GALNT13: variants seen among roughly 807,000 people sequenced by gnomAD.
The protein encoded by GALNT13 is UDP-GalNAc:polypeptide N-acetylgalactosaminyltransferase 13.
A neutral mutation model predicts 64.2 loss-of-function variants in GALNT13; 28 were observed. The observed-to-expected ratio is 0.44, with a 90% CI of 0.32 to 0.60. The LOEUF (loss-of-function observed/expected upper bound fraction) is 0.60, where lower values mean the gene tolerates loss of function less well. Ranked by LOEUF, GALNT13 falls within the 20% of genes least tolerant of loss-of-function variation. The pLI is 0.05. For synonymous variants in GALNT13, 214 were observed against 224.6 expected (o/e 0.95, Z 0.42); for missense variants, 577 against 669.8 (o/e 0.86, Z 1.53).
At chr2:153,951,982 T>A (rs1485052350) in intron 3 of GALNT13, among the ~76,000 whole-genome samples, 1 of 152,112 alleles carries the variant, frequency 6.6e-6, no homozygotes, top group Non-Finnish European at 1.5e-5. Flanking sequence ...CCATGAATGC[T>A]ATTTGTTTTT....
chr2:154,425,469 T>G (rs1700430369), intron 11 of GALNT13, among the ~76,000 whole-genome samples: 1 of 152,308 alleles, frequency 6.6e-6, no homozygotes, highest in South Asian at 2.1e-4. Context: ...CTAATGAGAC[T>G]GGCATAAAGG....
the GALNT13 span, among the ~76,000 whole-genome samples, chr2:153,347,568 G>A: frequency 1.3e-5 from 2 of 152,160 alleles, no homozygotes; most frequent in African/African-American, 2.4e-5. Context: ...ATACCATGAA[G>A]GCATATAGCA....
chr2:153,235,706 A>G, the GALNT13 span, among the ~76,000 whole-genome samples: 1 of 152,050 alleles, frequency 6.6e-6, no homozygotes, highest in Non-Finnish European at 1.5e-5. Flanking sequence ...TGAACCCAGG[A>G]TGTGGTTTGT....
At chr2:154,151,103 G>A (rs1428285262) in intron 4 of GALNT13, among the ~76,000 whole-genome samples, 2 of 152,168 alleles carry the variant, frequency 1.3e-5, no homozygotes, top group Non-Finnish European at 2.9e-5. Context: ...TGCTTCGAAT[G>A]CGTCCCAGAG....
intron 3 of GALNT13, among the ~76,000 whole-genome samples, chr2:154,096,765 T>A (rs1702090678): frequency 6.6e-6 from 1 of 152,078 alleles, no homozygotes; most frequent in Non-Finnish European, 1.5e-5. Context: ...ATAAATAGCA[T>A]GCTTCTTCCC....
chr2:154,438,612 CAAAG>C lies in GALNT13; in HGVS notation c.1420_1423del (p.Glu474SerfsTer17), dbSNP rs1701119698. On this transcript the variant is annotated frameshift_variant, in exon 12 of 13. Coordinates refer to ENST00000392825, the MANE Select transcript of GALNT13 (RefSeq NM_052917.4). LOFTEE classifies it high-confidence loss of function. ...TTCAGGTATTTTCTTACACTGCTGACAAAGAAATCCGAACCGATGACTTGTGCTT... is the reference window on the plus strand; with the variant it reads ...TTCAGGTATTTTCTTACACTGCTGACAAATCCGAACCGATGACTTGTGCTT... 1 of 1,611,574 alleles carries C rather than the reference CAAAG, an allele frequency of 6.2e-7. No individual in the cohort carries two copies. The highest frequency in any genetic ancestry group is 8.5e-7 in the Non-Finnish European group (1 of 1,178,354).
intron 12 of GALNT13, among the ~76,000 whole-genome samples, chr2:154,445,019 C>A (rs1046193177): frequency 4.0e-5 from 6 of 151,780 alleles, no homozygotes; most frequent in African/African-American, 1.2e-4. Context: ...TAATTGTTAT[C>A]TTTTCAAACA....
intron 11 of GALNT13, among the ~76,000 whole-genome samples, chr2:154,434,506 G>A (rs1052511277): frequency 6.6e-5 from 10 of 152,044 alleles, no homozygotes; most frequent in African/African-American, 1.2e-4. Context: ...TGATCCATGC[G>A]CCTGGGCCTC....
chr2:153,469,097 A>T, the GALNT13 span, among the ~76,000 whole-genome samples: 1 of 152,084 alleles, frequency 6.6e-6, no homozygotes, highest in Non-Finnish European at 1.5e-5. Flanking sequence ...AAACTGTCCA[A>T]ATATAGGAGG....
chr2:154,007,551 G>A (rs1334776334), intron 3 of GALNT13, among the ~76,000 whole-genome samples: 1 of 151,866 alleles, frequency 6.6e-6, no homozygotes, highest in Admixed American at 6.6e-5. Context: ...TTCCATATGA[G>A]GAATATGTTG....
the GALNT13 span, among the ~76,000 whole-genome samples, chr2:153,419,870 A>G: frequency 6.9e-3 from 1,056 of 152,302 alleles, 12 homozygotes; most frequent in African/African-American, 0.022. Context: ...CCTAAAGTAA[A>G]TTGACTAAAT....
At chr2:153,758,178 C>T in the GALNT13 span, among the ~76,000 whole-genome samples, 1 of 151,936 alleles carries the variant, frequency 6.6e-6, no homozygotes. Context: ...GATGAGGGTT[C>T]AATTTTATTC....
intron 9 of GALNT13, among the ~76,000 whole-genome samples, chr2:154,307,098 G>T (rs1358787106): frequency 6.6e-6 from 1 of 152,078 alleles, no homozygotes; most frequent in Non-Finnish European, 1.5e-5. Context: ...ATGGAGTTGG[G>T]TAGGTCAGAT....
At chr2:154,450,326 A>T in intron 12 of GALNT13, 85 bp from the exon 13 acceptor site, 1 of 1,255,248 alleles carries the variant, frequency 8.0e-7, no homozygotes. Context: ...ATCATAAAGG[A>T]TTTTTTAAAG....
chr2:154,422,184 G>A (rs931166138), intron 11 of GALNT13, among the ~76,000 whole-genome samples: 2 of 152,144 alleles, frequency 1.3e-5, no homozygotes, highest in African/African-American at 4.8e-5. Flanking sequence ...GAAGCAATGA[G>A]CTTTCAGACT....
At chr2:154,228,185 T>G (rs1432064588) in intron 4 of GALNT13, among the ~76,000 whole-genome samples, 1 of 152,112 alleles carries the variant, frequency 6.6e-6, no homozygotes, top group Non-Finnish European at 1.5e-5. Flanking sequence ...CCATTAAAAA[T>G]CAGTCAGATT....
chr2:153,942,718 A>G (rs2105380872), intron 2 of GALNT13, among the ~76,000 whole-genome samples: 1 of 152,224 alleles, frequency 6.6e-6, no homozygotes, highest in African/African-American at 2.4e-5. Context: ...CATTCTGAAT[A>G]AATGTAAATG....
the GALNT13 span, among the ~76,000 whole-genome samples, chr2:153,266,895 C>T: frequency 0.34 from 52,211 of 152,060 alleles, 9,178 homozygotes; most frequent in Middle Eastern, 0.51. Context: ...CCCCAAAAGT[C>T]CAAGTCCAAA....
At chr2:153,207,008 T>C in the GALNT13 span, among the ~76,000 whole-genome samples, 1 of 152,126 alleles carries the variant, frequency 6.6e-6, no homozygotes, top group Admixed American at 6.5e-5. Context: ...AGGTATGGAC[T>C]CTTCTTATCA....
Sources: allele counts gnomAD v4.1 joint callset (sites outside exome capture counted in the v4.1 genomes callset), GRCh38; gene constraint gnomAD v4.1.1; transcripts MANE v1.5; gene names NCBI Gene and HGNC (gene_info 2026-07-23, HGNC 2026-07-21).